Variants in MYO5B observed in about 807,000 individuals in gnomAD.
The protein encoded by MYO5B is unconventional myosin-Vb.
Under a neutral mutation model 229.3 loss-of-function variants are expected in MYO5B, and 143 were observed. The observed-to-expected ratio is 0.62, with a 90% CI of 0.54 to 0.72. MYO5B has a LOEUF of 0.72. MYO5B is among the 30% of genes least tolerant of loss of function. MYO5B has a pLI of 0.00. For synonymous variants in MYO5B, 918 were observed against 885.2 expected (o/e 1.04, Z -0.66); for missense variants, 2,321 against 2,331.0 (o/e 1.00, Z 0.09).
chr18:50,181,882 T>C (rs2033078001), intron 1 of MYO5B, among the ~76,000 whole-genome samples: 1 of 152,216 alleles, frequency 6.6e-6, no homozygotes, highest in South Asian at 2.1e-4. Flanking sequence ...TACAAATAAA[T>C]ATTATCCCTC....
intron 1 of MYO5B, among the ~76,000 whole-genome samples, chr18:50,188,807 A>AAAC (rs2033187915): frequency 1.5e-5 from 1 of 68,668 alleles, no homozygotes; most frequent in Non-Finnish European, 3.7e-5. Context: ...AAAAAAAAAA[A>AAAC]AAAAAAAAAA....
intron 14 of MYO5B, among the ~76,000 whole-genome samples, chr18:49,939,920 T>C (rs769478301): frequency 1.8e-4 from 27 of 152,008 alleles, no homozygotes; most frequent in Non-Finnish European, 3.4e-4. Context: ...TTGTAGGAGA[T>C]TCAGGCTAAG....
chr18:50,027,506 T>C (rs1043339716), intron 4 of MYO5B, among the ~76,000 whole-genome samples: 8 of 152,184 alleles, frequency 5.3e-5, no homozygotes, highest in Non-Finnish European at 1.0e-4. Context: ...CGGGTGAAGC[T>C]AGGACGCTAA....
intron 7 of MYO5B, among the ~76,000 whole-genome samples, chr18:49,987,596 C>T (rs2144305114): frequency 6.6e-6 from 1 of 152,230 alleles, no homozygotes; most frequent in East Asian, 1.9e-4. Flanking sequence ...CAGAGGAGAA[C>T]ATGAACCCAG....
Position 49,974,443 on chromosome 18 carries a change from G to A in MYO5B, c.1229C>T (p.Ala410Val), listed in dbSNP as rs951156993. Reference protein sequence around the residue: ...ARNALAKHIYAQLFGWIVEHI... With the variant: ...ARNALAKHIYVQLFGWIVEHI... ...CTCCACAATCCAGCCGAACAACTGGGCATAGATGTGCTTCGCCAGGGCGTT... is the reference window on the plus strand; with the variant it reads ...CTCCACAATCCAGCCGAACAACTGGACATAGATGTGCTTCGCCAGGGCGTT... The change falls in exon 10 of 40, where the codon GCC becomes GTC. Residue 410 changes from alanine (A) to valine (V), a missense_variant. Ala to Val is a moderately conservative substitution (Grantham distance 64). Transcript: ENST00000285039. 6 of 1,614,074 alleles carry A rather than the reference G, an allele frequency of 3.7e-6. No individual in the cohort carries two copies. Among genetic ancestry groups the A allele is most frequent in the Middle Eastern group, 1.6e-4 (1 of 6,084 alleles).
chr18:49,835,135 A>C (rs1054818534), intron 39 of MYO5B, among the ~76,000 whole-genome samples: 1 of 152,218 alleles, frequency 6.6e-6, no homozygotes, highest in East Asian at 1.9e-4. Context: ...AGAGATGATA[A>C]AAGTTGAGTT....
intron 1 of MYO5B, among the ~76,000 whole-genome samples, chr18:50,084,825 A>C (rs1461495341): frequency 6.6e-6 from 1 of 152,220 alleles, no homozygotes; most frequent in Non-Finnish European, 1.5e-5. Flanking sequence ...AGGATTCCCT[A>C]TTTAATAAAT....
rs2024156070 is a variant in MYO5B at position 49,848,306 on chromosome 18, ATGTGGGTGCTGATGG to A, written c.4316-1032_4316-1018del. ...GTGGGATGAAGGGTGGGTGCTGATG[ATGTGGGTGCTGATGG>A]TGGTGGGGCTGGAAGGACCCCACAG... On this transcript the variant is annotated intron_variant, in intron 32 of 39. Transcript: ENST00000285039. 2.0e-5 allele frequency among the ~76,000 whole-genome samples: 3 copies of A among 149,972 alleles called. No homozygotes were observed. In the South Asian group the frequency reaches 6.4e-4, roughly 32 times the overall value.
chr18:50,055,234 C>T, intron 2 of MYO5B, 34 bp downstream of exon 2: 2 of 691,744 alleles, frequency 2.9e-6, no homozygotes, highest in South Asian at 2.9e-5. Context: ...TGCCCCACCT[C>T]ACCCCCGCCC....
intron 1 of MYO5B, among the ~76,000 whole-genome samples, chr18:50,142,193 G>C (rs2032428036): frequency 6.6e-6 from 1 of 152,218 alleles, no homozygotes. Context: ...TCTGCTCCAT[G>C]TTCATCATGG....
At chr18:50,029,048 AGGAATGT>A (rs2026361549) in intron 4 of MYO5B, among the ~76,000 whole-genome samples, 1 of 152,248 alleles carries the variant, frequency 6.6e-6, no homozygotes, top group Non-Finnish European at 1.5e-5. Context: ...CTTTTAAAAT[AGGAATGT>A]CATCATTAGC....
intron 1 of MYO5B, among the ~76,000 whole-genome samples, chr18:50,192,649 G>C (rs2033244168): frequency 6.6e-6 from 1 of 152,164 alleles, no homozygotes; most frequent in Non-Finnish European, 1.5e-5. Flanking sequence ...GAGCAATTTT[G>C]CAAGAGTTTC....
chr18:49,896,565 C>G (rs973081795), intron 21 of MYO5B, among the ~76,000 whole-genome samples: 34 of 152,046 alleles, frequency 2.2e-4, no homozygotes, highest in African/African-American at 8.2e-4. Context: ...CCCAGCTGCT[C>G]TCTCTAGATG....
At chr18:50,036,382 C>G (rs765481037) in intron 4 of MYO5B, among the ~76,000 whole-genome samples, 14 of 152,220 alleles carry the variant, frequency 9.2e-5, no homozygotes, top group Non-Finnish European at 1.9e-4. Context: ...GCACAGCTGC[C>G]AGTTTGAAAC....
chr18:49,873,446 C>T (rs1407020133), intron 26 of MYO5B, among the ~76,000 whole-genome samples: 5 of 152,142 alleles, frequency 3.3e-5, no homozygotes, highest in African/African-American at 1.2e-4. Flanking sequence ...TCCTGTACTC[C>T]TCCCAGCTGA....
chr18:50,081,025 G>A (rs1051648466), intron 1 of MYO5B, among the ~76,000 whole-genome samples: 34 of 152,210 alleles, frequency 2.2e-4, no homozygotes, highest in African/African-American at 7.5e-4. Context: ...TTTTCATGCC[G>A]CTAGTAGCAA....
chr18:50,121,378 T>C (rs187813905), intron 1 of MYO5B, among the ~76,000 whole-genome samples: 2 of 152,340 alleles, frequency 1.3e-5, no homozygotes, highest in East Asian at 3.9e-4. Context: ...AATTATAGTA[T>C]CAATGACCTT....
rs981896430 is a variant in MYO5B at position 49,880,378 on chromosome 18, C to T, written c.3123G>A (p.Gln1041=). ...KEQLNNQILC[Q]SKDEFAQNSV... The stretch of plus-strand genomic sequence containing the variant: ...AAGTGCTTTGGTACTTACCTTTAGA[C>T]TGGCACAGGATTTGGTTGTTGAGCT... The change falls in exon 23 of 40, where the codon CAG becomes CAA. Residue 1041 remains glutamine, a synonymous_variant. Coordinates refer to ENST00000285039, the MANE Select transcript of MYO5B (RefSeq NM_001080467.3). 1 of 1,613,858 alleles carries T rather than the reference C, an allele frequency of 6.2e-7. No individual in the cohort carries two copies. The highest frequency in any genetic ancestry group is 2.2e-5 in the East Asian group (1 of 44,870).
In MYO5B at chr18:49,826,578, C is replaced by T; in HGVS notation, c.5440G>A (p.Ala1814Thr). 1 of 1,613,922 alleles carries T rather than the reference C, an allele frequency of 6.2e-7. No homozygotes were observed. The highest frequency in any genetic ancestry group is 8.5e-7 in the Non-Finnish European group (1 of 1,179,920). Residue 1814 changes from alanine (A) to threonine (T), a missense_variant, in exon 40 of 40, where the codon GCC becomes ACC. Ala to Thr is a moderately conservative substitution (Grantham distance 58). Around this residue, in one of 2 missense-constraint regions of MYO5B, gnomAD observed 208 missense variants for 286.3 expected, o/e 0.73. Transcript: ENST00000285039. ...AACAAAACAGGAAACATGTGCTTGG[C>T]ATCTAATAGCAGTTGCTGAGGGTCA... ...RNDPQQLLLDAKHMFPVLFPF... is the reference protein window; with the variant it reads ...RNDPQQLLLDTKHMFPVLFPF...
Sources: gnomAD v4.1 joint callset for allele counts (sites outside exome capture counted in the v4.1 genomes callset) on GRCh38, gnomAD v4.1.1 for gene constraint, gnomAD v4.1.1 regional missense constraint, MANE v1.5 for transcripts, NCBI Gene and HGNC (gene_info 2026-07-23, HGNC 2026-07-21) for gene names.